The following ATP8B4 variants were observed in gnomAD, a reference collection of about 807,000 sequenced individuals.
ATP8B4 encodes the protein ATPase phospholipid transporting 8B4 (putative).
Under a neutral mutation model 145.6 loss-of-function variants are expected in ATP8B4, and 133 were observed. The ratio of observed to expected loss-of-function variants is 0.91; its 90% confidence interval spans 0.79 to 1.05. The LOEUF is 1.05. ATP8B4 is among the 50% of genes least tolerant of loss of function. ATP8B4 has a pLI of 0.00. For synonymous variants in ATP8B4, 507 were observed against 492.9 expected (o/e 1.03, Z -0.38); for missense variants, 1,458 against 1,425.2 (o/e 1.02, Z -0.37).
At chr15:49,927,584 T>G (rs890548997) in intron 16 of ATP8B4, among the ~76,000 whole-genome samples, 1 of 152,122 alleles carries the variant, frequency 6.6e-6, no homozygotes, top group African/African-American at 2.4e-5. Context: ...ATGGGATCCA[T>G]TAAGGCAAAC....
chr15:50,014,510 T>C (rs2048947069), intron 6 of ATP8B4, among the ~76,000 whole-genome samples: 1 of 152,200 alleles, frequency 6.6e-6, no homozygotes, highest in Non-Finnish European at 1.5e-5. Flanking sequence ...CCCATGTTTA[T>C]TTAGTGCTTA....
chr15:50,105,333 C>T (rs1595565949), intron 2 of ATP8B4, among the ~76,000 whole-genome samples: 1 of 149,716 alleles, frequency 6.7e-6, no homozygotes, highest in Non-Finnish European at 1.5e-5. Context: ...AAGAGACAGA[C>T]AGTAAGGAAG....
At chr15:49,936,656 CTCTT>C (rs2041756688) in intron 14 of ATP8B4, among the ~76,000 whole-genome samples, 1 of 152,132 alleles carries the variant, frequency 6.6e-6, no homozygotes, top group Non-Finnish European at 1.5e-5. Flanking sequence ...ATTCAGGAGA[CTCTT>C]TCAATTGGAA....
At position 50,047,464 on chromosome 15, in the gene ATP8B4, C is replaced by A; in HGVS notation, c.88G>T (p.Asp30Tyr). The A allele has an allele frequency of 6.5e-7, 1 of 1,527,624 alleles. No homozygotes were observed. The highest frequency in any genetic ancestry group is 1.1e-5 in the South Asian group (1 of 89,214). 94.6% of individuals were successfully genotyped at this position (1,527,624 alleles called of 1,614,324 possible). A position where few individuals can be genotyped will look rare whatever the true frequency, so the allele number is the denominator to read the frequency against. ...REYNEKFQYADNRIHTSKYNI... is the reference protein window; with the variant it reads ...REYNEKFQYAYNRIHTSKYNI... ...TATTTCGATGTGTGGATACGATTAT[C>A]CTGGAAAAGAAATAGCATCATGTTA... The change falls in exon 4 of 28, where the codon GAT becomes TAT. Residue 30 changes from aspartate to tyrosine, a missense_variant and splice_region_variant. Coordinates refer to ENST00000284509, the MANE Select transcript of ATP8B4 (RefSeq NM_024837.4).
chr15:49,891,273 C>T (rs1316577991), intron 23 of ATP8B4, among the ~76,000 whole-genome samples: 1 of 151,640 alleles, frequency 6.6e-6, no homozygotes, highest in Non-Finnish European at 1.5e-5. Flanking sequence ...GATCCTCACA[C>T]ATTTCTCCTT....
At chr15:50,064,512 C>T (rs184444378) in intron 3 of ATP8B4, among the ~76,000 whole-genome samples, 3 of 152,130 alleles carry the variant, frequency 2.0e-5, no homozygotes, top group African/African-American at 4.8e-5. Flanking sequence ...ACACTACCTC[C>T]GTGCACACAG....
intron 1 of ATP8B4, among the ~76,000 whole-genome samples, chr15:50,166,212 A>G (rs928381733): frequency 6.6e-6 from 1 of 152,200 alleles, no homozygotes. Flanking sequence ...TAAAGACTTT[A>G]TCAGAAAACA....
At position 49,983,873 on chromosome 15, in the gene ATP8B4, C is replaced by T. The variant is rs193189099; in HGVS notation, c.749-2579G>A. Reference sequence around the variant, plus strand: ...TTTGACCTCACTTTCCTTACTCCTGCCACAGGGCCTTGGCCATTGATATGA... The same window carrying T: ...TTTGACCTCACTTTCCTTACTCCTGTCACAGGGCCTTGGCCATTGATATGA... On this transcript the variant is annotated intron_variant, in intron 10 of 27. Coordinates refer to ENST00000284509, the MANE Select transcript of ATP8B4 (RefSeq NM_024837.4). 2.4e-3 allele frequency among the ~76,000 whole-genome samples: 365 copies of T among 152,310 alleles called. 2 individuals are homozygous for T. Among genetic ancestry groups the T allele is most frequent in the African/African-American group, 8.7e-3 (361 of 41,582 alleles).
upstream of ATP8B4, among the ~76,000 whole-genome samples, chr15:50,123,145 G>T (rs1016647703): frequency 6.6e-6 from 1 of 152,116 alleles, no homozygotes; most frequent in South Asian, 2.1e-4. Flanking sequence ...ACAGATAGGA[G>T]ACTGAAGCCA....
In ATP8B4 at chr15:50,085,392, G is replaced by C. The variant is rs866609523; in HGVS notation, c.29-11207C>G. Among the ~76,000 whole-genome samples, 3 of 152,076 alleles carry C rather than the reference G, an allele frequency of 2.0e-5. No individual in the cohort carries two copies. The South Asian group carries it at 6.2e-4, about 32-fold the overall frequency. ...ATGGTGCTGCTCGGAACCAGATAAG[G>C]GGCAATCAGGTGCAACTACATGAGT... On this transcript the variant is annotated intron_variant, in intron 2 of 27. Coordinates refer to ENST00000284509, the MANE Select transcript of ATP8B4 (RefSeq NM_024837.4).
intron 1 of ATP8B4, among the ~76,000 whole-genome samples, chr15:50,155,303 T>C (rs2044396572): frequency 6.6e-6 from 1 of 152,154 alleles, no homozygotes; most frequent in Admixed American, 6.5e-5. Flanking sequence ...AGTGTATAGT[T>C]GTATATGTTT....
chr15:49,874,442 C>T (rs1009597648), intron 25 of ATP8B4, among the ~76,000 whole-genome samples: 10 of 151,954 alleles, frequency 6.6e-5, no homozygotes, highest in South Asian at 6.2e-4. Flanking sequence ...GTGGCTGGGG[C>T]GTGTGAGTAA....
At chr15:49,966,738 C>T (rs2044584746) in intron 13 of ATP8B4, among the ~76,000 whole-genome samples, 1 of 152,220 alleles carries the variant, frequency 6.6e-6, no homozygotes, top group Non-Finnish European at 1.5e-5. Context: ...AAGAGAGCAG[C>T]AGATCTCCCA....
At chr15:49,915,075 A>T (rs550731487) in intron 20 of ATP8B4, among the ~76,000 whole-genome samples, 1 of 152,320 alleles carries the variant, frequency 6.6e-6, no homozygotes, top group Non-Finnish European at 1.5e-5. Flanking sequence ...CCATAAATGG[A>T]TGAATCAATA....
chr15:50,022,739 A>C (rs1283328166), intron 6 of ATP8B4, among the ~76,000 whole-genome samples: 1 of 152,208 alleles, frequency 6.6e-6, no homozygotes, highest in African/African-American at 2.4e-5. Context: ...CCTCTGGTGA[A>C]GGTCCTAAAT....
intron 2 of ATP8B4, among the ~76,000 whole-genome samples, chr15:50,080,264 C>G (rs1435094957): frequency 2.0e-5 from 3 of 152,162 alleles, no homozygotes; most frequent in Non-Finnish European, 4.4e-5. Context: ...CAGTTATATT[C>G]TCCAAGATAA....
In ATP8B4 at chr15:49,931,123, G is replaced by A. The variant is rs768013751; in HGVS notation, c.1638C>T (p.Val546=). The A allele has an allele frequency of 1.9e-6, 3 of 1,609,958 alleles. No homozygotes were observed. Among genetic ancestry groups the A allele is most frequent in the South Asian group, 2.2e-5 (2 of 90,810 alleles). The stretch of plus-strand genomic sequence containing the variant: ...AGTCTTAGCTACCAACCATACCTAT[G>A]ACAGACATCCTTTTTCTGGTGTTGT... ...DFNNTRKRMS[V]IVRNPEGQIK... The change falls in exon 16 of 28, where the codon GTC becomes GTT. Residue 546 remains valine, a synonymous_variant. Transcript: ENST00000284509.
At chr15:50,093,088 A>G (rs574500437) in intron 2 of ATP8B4, among the ~76,000 whole-genome samples, 1 of 152,192 alleles carries the variant, frequency 6.6e-6, no homozygotes, top group African/African-American at 2.4e-5. Flanking sequence ...ATCAATATAG[A>G]ATTCTCCACC....
chr15:49,901,280 C>A, intron 20 of ATP8B4, 41 bp from the exon 21 acceptor site: 1 of 1,574,488 alleles, frequency 6.4e-7, no homozygotes, highest in Non-Finnish European at 8.7e-7. Context: ...ACAAAGCATA[C>A]AGAGCATGCC....
Sources: gnomAD v4.1 joint callset for allele counts (sites outside exome capture counted in the v4.1 genomes callset) on GRCh38, gnomAD v4.1.1 for gene constraint, MANE v1.5 for transcripts, NCBI Gene and HGNC (gene_info 2026-07-23, HGNC 2026-07-21) for gene names.